Variants in SEMA6D observed in about 807,000 individuals in gnomAD.
The protein encoded by SEMA6D is semaphorin-6D.
Under a neutral mutation model 106.6 loss-of-function variants are expected in SEMA6D, and 35 were observed. That is an observed-to-expected ratio of 0.33 (90% CI 0.25 to 0.44). SEMA6D has a LOEUF of 0.44. SEMA6D is among the 20% of genes least tolerant of loss of function. The pLI is 1.00. For synonymous variants in SEMA6D, 499 were observed against 487.7 expected (o/e 1.02, Z -0.31); for missense variants, 1,185 against 1,345.9 (o/e 0.88, Z 1.87).
Position 47,708,459 on chromosome 15 carries a change from C to G in SEMA6D, c.-54-51286C>G, listed in dbSNP as rs370233649. 4.6e-5 allele frequency among the ~76,000 whole-genome samples: 7 copies of G among 152,330 alleles called. No individual in the cohort carries two copies. The East Asian group carries it at 1.3e-3, about 29-fold the overall frequency. ...CCCCACATCATGAAGCTTTTACAAC[C>G]TGCAGTATTATGCATTTCCCCTTGT... On this transcript the variant is annotated intron_variant, in intron 4 of 19. Coordinates refer to the SEMA6D transcript ENST00000558014.
intron 1 of SEMA6D, among the ~76,000 whole-genome samples, chr15:47,394,836 T>C (rs1423810304): frequency 2.0e-5 from 3 of 152,290 alleles, no homozygotes; most frequent in Admixed American, 2.0e-4. Flanking sequence ...CAGTCCTCTT[T>C]GACGATTTAC....
At chr15:47,767,980 A>C (rs2082432211) in intron 17 of SEMA6D, among the ~76,000 whole-genome samples, 1 of 152,192 alleles carries the variant, frequency 6.6e-6, no homozygotes. Context: ...GAGAGAGTAC[A>C]AGCAAAGTCT....
At chr15:47,723,666 A>G (rs535289303) in intron 1 of SEMA6D, among the ~76,000 whole-genome samples, 11 of 152,274 alleles carry the variant, frequency 7.2e-5, no homozygotes, top group East Asian at 5.8e-4. Flanking sequence ...TCTCTCATGC[A>G]TCAGCATTTA....
chr15:47,352,287 G>A (rs940677833), intron 1 of SEMA6D, among the ~76,000 whole-genome samples: 6 of 152,160 alleles, frequency 3.9e-5, no homozygotes, highest in African/African-American at 1.4e-4. Context: ...CCATCAAGAT[G>A]TTTGTCATTG....
At chr15:47,519,524 A>G (rs939690125) in intron 3 of SEMA6D, among the ~76,000 whole-genome samples, 1 of 152,244 alleles carries the variant, frequency 6.6e-6, no homozygotes, top group African/African-American at 2.4e-5. Flanking sequence ...TCCGTAAACA[A>G]CATCAGGACA....
At chr15:47,507,421 C>A (rs1047779345) in intron 3 of SEMA6D, among the ~76,000 whole-genome samples, 3 of 149,128 alleles carry the variant, frequency 2.0e-5, no homozygotes, top group African/African-American at 7.4e-5. Context: ...CTGGCCCCTA[C>A]TGCAGAATTG....
intron 3 of SEMA6D, among the ~76,000 whole-genome samples, chr15:47,573,768 C>T (rs1428119857): frequency 6.6e-6 from 1 of 152,228 alleles, no homozygotes; most frequent in Non-Finnish European, 1.5e-5. Flanking sequence ...GAAATTTCCA[C>T]AGGAATCACC....
chr15:47,768,484 CAT>C (rs995648357), intron 17 of SEMA6D, 95 bp from the exon 18 acceptor site: 6 of 1,067,404 alleles, frequency 5.6e-6, no homozygotes, highest in Admixed American at 2.8e-5. Context: ...CAAACTTTCT[CAT>C]AAAATTTACT....
chr15:47,516,212 TG>T (rs2044382424), intron 3 of SEMA6D, among the ~76,000 whole-genome samples: 1 of 152,194 alleles, frequency 6.6e-6, no homozygotes, highest in Non-Finnish European at 1.5e-5. Context: ...TGACTTATTT[TG>T]GCACCTAGCT....
intron 4 of SEMA6D, among the ~76,000 whole-genome samples, chr15:47,650,261 C>G (rs1388717459): frequency 6.6e-6 from 1 of 152,190 alleles, no homozygotes; most frequent in Non-Finnish European, 1.5e-5. Flanking sequence ...TGGACACTAT[C>G]TCATCTAACA....
intron 1 of SEMA6D, among the ~76,000 whole-genome samples, chr15:47,368,712 C>T (rs1342531326): frequency 6.6e-6 from 1 of 152,116 alleles, no homozygotes; most frequent in African/African-American, 2.4e-5. Context: ...ATTTCCAGAC[C>T]CTACAATTTC....
intron 1 of SEMA6D, among the ~76,000 whole-genome samples, chr15:47,733,765 A>G (rs1358700119): frequency 2.6e-5 from 4 of 152,226 alleles, no homozygotes; most frequent in Non-Finnish European, 5.9e-5. Context: ...TATCTGACAT[A>G]AACTCACTAA....
chr15:47,345,988 A>G (rs534605554), intron 1 of SEMA6D, among the ~76,000 whole-genome samples: 1 of 152,332 alleles, frequency 6.6e-6, no homozygotes, highest in East Asian at 1.9e-4. Context: ...AATTATACCT[A>G]AAACAGCTAT....
At chr15:47,434,313 C>A in intron 2 of SEMA6D, among the ~76,000 whole-genome samples, 1 of 152,030 alleles carries the variant, frequency 6.6e-6, no homozygotes, top group East Asian at 1.9e-4. Context: ...GGGGTTTAAT[C>A]CTGTTGAAAT....
At chr15:47,604,914 G>A (rs1208083978) in intron 4 of SEMA6D, among the ~76,000 whole-genome samples, 2 of 148,892 alleles carry the variant, frequency 1.3e-5, no homozygotes, top group Non-Finnish European at 3.0e-5. Flanking sequence ...CACCATGTTA[G>A]CCAGGATGGT....
At position 47,405,515 on chromosome 15, in the gene SEMA6D, G is replaced by A. The variant is rs1368266284; in HGVS notation, c.-238-6878G>A. Among the ~76,000 whole-genome samples the A allele has an allele frequency of 3.9e-5, 6 of 152,116 alleles. 1 individual carries two copies. Among genetic ancestry groups the A allele is most frequent in the Admixed American group, 3.9e-4 (6 of 15,264 alleles). ...AGGAGGAGCTTCACCTAACTTACTAGCCTGAGGAGTCCAGGATCAGGGCTG... is the reference window on the plus strand; with the variant it reads ...AGGAGGAGCTTCACCTAACTTACTAACCTGAGGAGTCCAGGATCAGGGCTG... On this transcript the variant is annotated intron_variant, in intron 1 of 19. Transcript: ENST00000558014.
chr15:47,589,476 C>A (rs1271744647), intron 3 of SEMA6D, among the ~76,000 whole-genome samples: 1 of 152,220 alleles, frequency 6.6e-6, no homozygotes, highest in Non-Finnish European at 1.5e-5. Flanking sequence ...GTTTGCCCTC[C>A]CAGTGGTCCT....
chr15:47,357,202 C>T (rs929037213), intron 1 of SEMA6D, among the ~76,000 whole-genome samples: 7 of 151,846 alleles, frequency 4.6e-5, no homozygotes, highest in East Asian at 1.9e-4. Context: ...GGCGAGGTGG[C>T]GGGCACCTGT....
At chr15:47,567,333 T>C (rs2046257464) in intron 3 of SEMA6D, among the ~76,000 whole-genome samples, 1 of 152,112 alleles carries the variant, frequency 6.6e-6, no homozygotes, top group South Asian at 2.1e-4. Flanking sequence ...TAACAAAAAT[T>C]TAATAGTGAG....
Sources: gnomAD v4.1 joint callset for allele counts (sites outside exome capture counted in the v4.1 genomes callset) on GRCh38, gnomAD v4.1.1 for gene constraint, MANE v1.5 for transcripts, NCBI Gene and HGNC (gene_info 2026-07-23, HGNC 2026-07-21) for gene names.